CTNNA3: variants seen among roughly 807,000 people sequenced by gnomAD.
CTNNA3 encodes catenin alpha 3.
In CTNNA3, 76 loss-of-function variants were observed where a neutral mutation model predicts 95.7. The observed-to-expected ratio is 0.79, with a 90% CI of 0.66 to 0.96. The LOEUF (loss-of-function observed/expected upper bound fraction) is 0.96, where lower values mean the gene tolerates loss of function less well. Ranked by LOEUF, CTNNA3 falls within the 40% of genes least tolerant of loss-of-function variation. The probability of loss-of-function intolerance (pLI) is 0.00; values close to 1 mark genes in which losing one functional copy is unlikely to be tolerated. For synonymous variants in CTNNA3, 431 were observed against 374.4 expected (o/e 1.15, Z -1.74); for missense variants, 1,191 against 1,089.8 (o/e 1.09, Z -1.31).
At chr10:66,424,764 AG>A (rs2093224851) in intron 11 of CTNNA3, among the ~76,000 whole-genome samples, 1 of 152,098 alleles carries the variant, frequency 6.6e-6, no homozygotes, top group Non-Finnish European at 1.5e-5. Context: ...TGTTTGCTAC[AG>A]GGGTATTAAT....
At chr10:66,091,124 A>G (rs2081196198) in intron 14 of CTNNA3, among the ~76,000 whole-genome samples, 1 of 151,874 alleles carries the variant, frequency 6.6e-6, no homozygotes, top group African/African-American at 2.4e-5. Context: ...TCAATTTTCA[A>G]CATAAATGAA....
At chr10:67,476,798 C>T (rs983928038) in intron 5 of CTNNA3, among the ~76,000 whole-genome samples, 39 of 151,286 alleles carry the variant, frequency 2.6e-4, no homozygotes, top group African/African-American at 7.8e-4. Flanking sequence ...TCCAGGCATT[C>T]AAAGCACTTG....
chr10:66,738,633 G>A (rs1849226002), intron 9 of CTNNA3, among the ~76,000 whole-genome samples: 1 of 152,116 alleles, frequency 6.6e-6, no homozygotes, highest in African/African-American at 2.4e-5. Context: ...TTTGAACAAG[G>A]GGATCTTTAC....
chr10:67,124,795 T>C (rs1250374134), intron 7 of CTNNA3, among the ~76,000 whole-genome samples: 1 of 152,246 alleles, frequency 6.6e-6, no homozygotes, highest in African/African-American at 2.4e-5. Flanking sequence ...TCACATAATG[T>C]CACAAAGTGA....
chr10:66,445,625 C>T (rs1015090235), intron 11 of CTNNA3, among the ~76,000 whole-genome samples: 17 of 151,948 alleles, frequency 1.1e-4, no homozygotes, highest in African/African-American at 3.1e-4. Flanking sequence ...TTGAAACCAA[C>T]GAGAACAAAG....
At position 67,264,747 on chromosome 10, in the gene CTNNA3, G is replaced by T. The variant is rs146038882; in HGVS notation, c.580-44877C>A. Among the ~76,000 whole-genome samples, 38 of 152,150 alleles carry T rather than the reference G, an allele frequency of 2.5e-4. 1 individual carries two copies. Among genetic ancestry groups the T allele is most frequent in the African/African-American group, 8.7e-4 (36 of 41,496 alleles). On this transcript the variant is annotated intron_variant, in intron 5 of 17. Transcript: ENST00000433211. ...GATTCATGAAATGTTAGAGATAGAG[G>T]TTCACCCTCCGAAAAATTGACCTAC...
At chr10:67,310,230 CTATT>C (rs1472879435) in intron 5 of CTNNA3, among the ~76,000 whole-genome samples, 1 of 152,124 alleles carries the variant, frequency 6.6e-6, no homozygotes, top group Non-Finnish European at 1.5e-5. Flanking sequence ...TGTAAACCCT[CTATT>C]TAAGTATCTA....
At chr10:66,705,335 T>C (rs1003236989) in intron 9 of CTNNA3, among the ~76,000 whole-genome samples, 1 of 152,030 alleles carries the variant, frequency 6.6e-6, no homozygotes, top group Admixed American at 6.6e-5. Context: ...TTATAATGTC[T>C]TTGGTTTTAG....
chr10:67,509,073 A>C (rs192893420), intron 5 of CTNNA3, among the ~76,000 whole-genome samples: 3,251 of 151,772 alleles, frequency 0.021, 77 homozygotes, highest in South Asian at 0.034. Context: ...ACGGGGTTTC[A>C]CCATGTTGGC....
chr10:67,497,287 G>C (rs1409374964), intron 5 of CTNNA3, among the ~76,000 whole-genome samples: 1 of 152,052 alleles, frequency 6.6e-6, no homozygotes, highest in African/African-American at 2.4e-5. Flanking sequence ...GCTGCATAGT[G>C]TTCCATGGTA....
chr10:66,008,231 C>T (rs1268732016), intron 15 of CTNNA3, among the ~76,000 whole-genome samples: 3 of 152,144 alleles, frequency 2.0e-5, no homozygotes, highest in South Asian at 2.1e-4. Context: ...CCAACAGCCA[C>T]GTGACAGGGA....
intron 13 of CTNNA3, among the ~76,000 whole-genome samples, chr10:66,184,329 A>C (rs2086215686): frequency 6.6e-6 from 1 of 152,146 alleles, no homozygotes; most frequent in Non-Finnish European, 1.5e-5. Context: ...TTTTAACTTT[A>C]ATGTAGTTAA....
chr10:66,867,135 A>G (rs556399635), intron 7 of CTNNA3, among the ~76,000 whole-genome samples: 1 of 150,346 alleles, frequency 6.7e-6, no homozygotes, highest in East Asian at 1.9e-4. Flanking sequence ...TTTCTTTATA[A>G]ATTACCCAGT....
intron 5 of CTNNA3, among the ~76,000 whole-genome samples, chr10:67,258,399 C>T (rs924291426): frequency 1.3e-5 from 2 of 152,102 alleles, no homozygotes; most frequent in African/African-American, 4.8e-5. Context: ...TCGCCATGAC[C>T]TCCCAAAGTG....
At chr10:66,153,536 G>A (rs1028072386) in intron 13 of CTNNA3, among the ~76,000 whole-genome samples, 3 of 151,910 alleles carry the variant, frequency 2.0e-5, no homozygotes, top group African/African-American at 7.2e-5. Context: ...GTCTGCTGCA[G>A]ACATGCTCAA....
At chr10:66,308,188 T>C (rs1162280283) in intron 12 of CTNNA3, among the ~76,000 whole-genome samples, 57 of 152,224 alleles carry the variant, frequency 3.7e-4, no homozygotes, top group Admixed American at 3.6e-3. Flanking sequence ...AATATTTATA[T>C]GGTTCCAGAA....
At chr10:66,497,185 A>T (rs1298665356) in intron 11 of CTNNA3, among the ~76,000 whole-genome samples, 1 of 152,122 alleles carries the variant, frequency 6.6e-6, no homozygotes, top group Non-Finnish European at 1.5e-5. Context: ...TCAGCACATA[A>T]TAAAGCGTTC....
chr10:67,162,164 C>T (rs2132091483), intron 7 of CTNNA3, among the ~76,000 whole-genome samples: 1 of 152,026 alleles, frequency 6.6e-6, no homozygotes, highest in Middle Eastern at 3.4e-3. Flanking sequence ...TCAACAATAC[C>T]ATCAACCAAC....
chr10:67,062,261 T>C (rs1390597637), intron 7 of CTNNA3, among the ~76,000 whole-genome samples: 2 of 152,176 alleles, frequency 1.3e-5, no homozygotes, highest in African/African-American at 2.4e-5. Flanking sequence ...CAAAAGCCCA[T>C]ATTCTTTATT....
Sources: allele counts gnomAD v4.1 joint callset (sites outside exome capture counted in the v4.1 genomes callset), GRCh38; gene constraint gnomAD v4.1.1; transcripts MANE v1.5; gene names NCBI Gene and HGNC (gene_info 2026-07-23, HGNC 2026-07-21).